ASZ1: variants seen among roughly 807,000 people sequenced by gnomAD.
ASZ1 encodes ankyrin repeat, SAM and basic leucine zipper domain-containing protein 1.
In ASZ1, 67 loss-of-function variants were observed where a neutral mutation model predicts 61.8. The ratio of observed to expected loss-of-function variants is 1.08; its 90% CI spans 0.89 to 1.33. The LOEUF is 1.33. ASZ1 is among the 40% of genes most tolerant of loss of function. The pLI is 0.00. For missense variants in ASZ1, 577 were observed against 554.5 expected (o/e 1.04, Z -0.41); for synonymous variants, 193 against 192.7 (o/e 1.00, Z -0.01).
Position 117,422,132 on chromosome 7 carries a change from A to G in ASZ1, c.328+105T>C, listed in dbSNP as rs1430040099. The G allele has an allele frequency of 3.2e-6, 4 of 1,241,856 alleles. No homozygotes were observed. The Admixed American group carries it at 9.6e-5, about 30-fold the overall frequency. The allele number at this position is 1,241,856 out of a possible 1,614,324, so 76.9% of individuals were successfully genotyped here. A position where few individuals can be genotyped will look rare whatever the true frequency, so the allele number is the denominator to read the frequency against. On this transcript the variant is annotated intron_variant, in intron 3 of 12. Coordinates refer to ENST00000284629, the MANE Select transcript of ASZ1 (RefSeq NM_130768.3). ...TATTTACATAGTATAATGAATAGAA[A>G]GGTTACTTCAAATGGCTTTAGTTTT...
intron 2 of ASZ1, among the ~76,000 whole-genome samples, chr7:117,425,819 G>C (rs969048288): frequency 2.6e-5 from 4 of 151,476 alleles, no homozygotes; most frequent in Non-Finnish European, 5.9e-5. Flanking sequence ...TGAAACCCCC[G>C]TGTCTACTAA....
At chr7:117,371,279 C>T (rs2116450310) in intron 10 of ASZ1, among the ~76,000 whole-genome samples, 1 of 152,192 alleles carries the variant, frequency 6.6e-6, no homozygotes, top group East Asian at 1.9e-4. Context: ...TTCTAAGATA[C>T]ATTACTGGGA....
chr7:117,380,897 T>C, intron 9 of ASZ1, 114 bp downstream of exon 9: 3 of 904,846 alleles, frequency 3.3e-6, no homozygotes, highest in Non-Finnish European at 1.7e-6. Context: ...AAGGACACAG[T>C]AGAAGATCAA....
At chr7:117,363,884 A>T in intron 12 of ASZ1, 136 bp from the exon 13 acceptor site, 1 of 647,512 alleles carries the variant, frequency 1.5e-6, no homozygotes, top group Non-Finnish European at 2.3e-6. Context: ...CAAGATTCCC[A>T]TGGAAGATTT....
chr7:117,422,366 A>T lies in ASZ1; in HGVS notation c.206-7T>A. The T allele has an allele frequency of 6.2e-7, 1 of 1,607,884 alleles. No homozygotes were observed. The highest frequency in any genetic ancestry group is 8.5e-7 in the Non-Finnish European group (1 of 1,178,384). On this transcript the variant is annotated splice_region_variant and splice_polypyrimidine_tract_variant and intron_variant, in intron 2 of 12. Transcript: ENST00000284629. ...TTGGAATCTACACTAATGCCTGTCA[A>T]TATAAAAACAAGCTTTTAAAAGCAC...
intron 12 of ASZ1, among the ~76,000 whole-genome samples, chr7:117,365,021 T>C (rs1328519033): frequency 6.6e-6 from 1 of 152,136 alleles, no homozygotes; most frequent in Non-Finnish European, 1.5e-5. Context: ...AAAAAATCCC[T>C]TCAATTATTA....
Position 117,426,884 on chromosome 7 carries a change from C to T in ASZ1, c.157G>A (p.Ala53Thr), listed in dbSNP as rs769750476. Residue 53 changes from alanine to threonine, a missense_variant, in exon 2 of 13, where the codon GCA becomes ACA. Ala to Thr is a moderately conservative substitution (Grantham distance 58). Coordinates refer to ENST00000284629, the MANE Select transcript of ASZ1 (RefSeq NM_130768.3). ...AATGAAACATCTCCGATGGTCATTG[C>T]TTTCTTAAATTTTTCTTTCTTTTCT... Reference protein sequence around the residue: ...IEEKKEKFKKAMTIGDVSLVQ... With the variant: ...IEEKKEKFKKTMTIGDVSLVQ... The T allele has an allele frequency of 1.3e-5, 21 of 1,613,246 alleles. No homozygotes were observed. The South Asian group carries it at 2.0e-4, about 15-fold the overall frequency.
chr7:117,420,227 C>T lies in ASZ1; in HGVS notation c.376G>A (p.Glu126Lys), dbSNP rs1310745095. 6.2e-7 allele frequency: 1 copy of T among 1,612,752 alleles called. No homozygotes were observed. ...ITACSAHGSE[E>K]QILKCVELLL... ...AGTTCTACACACTTCAAGATCTGTT[C>T]CTCTGAGCCATGAGCAGAACATGCA... Residue 126 changes from glutamate (E) to lysine (K), a missense_variant, in exon 4 of 13, where the codon GAA becomes AAA. Transcript: ENST00000284629.
At chr7:117,393,564 G>A (rs891507614) in intron 4 of ASZ1, among the ~76,000 whole-genome samples, 5 of 151,960 alleles carry the variant, frequency 3.3e-5, no homozygotes, top group Non-Finnish European at 7.4e-5. Flanking sequence ...AATATTTGCT[G>A]AATAAATGGC....
In ASZ1 at chr7:117,404,476, C is replaced by T. The variant is rs560899182; in HGVS notation, c.440+15687G>A. 5.4e-5 allele frequency among the ~76,000 whole-genome samples: 8 copies of T among 148,316 alleles called. No homozygotes were observed. In the South Asian group the frequency reaches 8.6e-4, roughly 16 times the overall value. ...CAGCAGTGCATACCTCTTACTTATG[C>T]AGTTTTTGTTTCCCTTAAGTCGAGG... is the stretch of plus-strand genomic sequence containing the variant. On this transcript the variant is annotated intron_variant, in intron 4 of 12. Coordinates refer to ENST00000284629, the MANE Select transcript of ASZ1 (RefSeq NM_130768.3).
At chr7:117,389,443 A>G (rs984395414) in intron 4 of ASZ1, among the ~76,000 whole-genome samples, 3 of 152,198 alleles carry the variant, frequency 2.0e-5, no homozygotes, top group Non-Finnish European at 4.4e-5. Context: ...CATATTTTGA[A>G]ATGCTTTGTT....
At chr7:117,365,393 T>C (rs1346394637) in intron 12 of ASZ1, among the ~76,000 whole-genome samples, 1 of 152,186 alleles carries the variant, frequency 6.6e-6, no homozygotes, top group Non-Finnish European at 1.5e-5. Flanking sequence ...GAATTGTGTA[T>C]ACTTTAGAGT....
intron 4 of ASZ1, among the ~76,000 whole-genome samples, chr7:117,408,663 G>C (rs1280581370): frequency 6.6e-6 from 1 of 152,040 alleles, no homozygotes; most frequent in Non-Finnish European, 1.5e-5. Flanking sequence ...CCAAACATTA[G>C]AACATTTCTC....
intron 4 of ASZ1, among the ~76,000 whole-genome samples, chr7:117,411,020 C>A (rs1796880098): frequency 6.6e-6 from 1 of 151,558 alleles, no homozygotes; most frequent in Non-Finnish European, 1.5e-5. Context: ...TAGTAATTTC[C>A]TACCATGTAC....
In ASZ1 at chr7:117,385,733, C is replaced by T; in HGVS notation, c.517G>A (p.Ala173Thr). ...TTCTCATCCTGGGTATTAACTTCTGCTCCATGAGCAACAAGGAGAGCAACA... is the reference window on the plus strand; with the variant it reads ...TTCTCATCCTGGGTATTAACTTCTGTTCCATGAGCAACAAGGAGAGCAACA... ...QVVALLVAHG[A>T]EVNTQDENGY... The change falls in exon 5 of 13, where the codon GCA (alanine) becomes ACA (threonine). Residue 173 changes from alanine (A) to threonine (T), a missense_variant. Transcript: ENST00000284629. 1 of 1,612,956 alleles carries T rather than the reference C, an allele frequency of 6.2e-7. No individual in the cohort carries two copies.
At chr7:117,417,183 T>G in intron 4 of ASZ1, among the ~76,000 whole-genome samples, 1 of 148,398 alleles carries the variant, frequency 6.7e-6, no homozygotes, top group Middle Eastern at 3.4e-3. Flanking sequence ...GATCCCGTAT[T>G]AGTTAAAAAA....
Position 117,385,589 on chromosome 7 carries a change from T to C in ASZ1, c.552+109A>G, listed in dbSNP as rs1796338158. ...TCAACTGTTGCTTTTTTTCACCAGA[T>C]AGCAATTATATTCCAGCCCTTTTGT... is the stretch of plus-strand genomic sequence containing the variant. On this transcript the variant is annotated intron_variant, in intron 5 of 12. Transcript: ENST00000284629. 11 of 893,102 alleles carry C rather than the reference T, an allele frequency of 1.2e-5. No individual in the cohort carries two copies. In the East Asian group the frequency reaches 2.4e-4, roughly 19 times the overall value. 55.3% of individuals were successfully genotyped at this position (893,102 alleles called of 1,614,324 possible).
chr7:117,385,635 CT>C, intron 5 of ASZ1, 62 bp downstream of exon 5: 3 of 1,335,578 alleles, frequency 2.2e-6, no homozygotes, highest in Non-Finnish European at 3.1e-6. Flanking sequence ...TCTTAAAATT[CT>C]TTTTTTGTAG....
At chr7:117,383,603 A>G (rs1796295579) in intron 6 of ASZ1, among the ~76,000 whole-genome samples, 1 of 151,982 alleles carries the variant, frequency 6.6e-6, no homozygotes, top group Admixed American at 6.6e-5. Flanking sequence ...CTAACTGAAC[A>G]CCTCAAAAAG....
Sources: gnomAD v4.1 joint callset for allele counts (sites outside exome capture counted in the v4.1 genomes callset) on GRCh38, gnomAD v4.1.1 for gene constraint, MANE v1.5 for transcripts, NCBI Gene and HGNC (gene_info 2026-07-23, HGNC 2026-07-21) for gene names.